Variants in ANKRD62 observed in about 807,000 individuals in gnomAD.
ANKRD62 encodes the protein ankyrin repeat domain-containing protein 62.
In ANKRD62, 61 loss-of-function variants were observed where a neutral mutation model predicts 98.8. That is an observed-to-expected ratio of 0.62 (90% CI 0.50 to 0.76). The LOEUF (loss-of-function observed/expected upper bound fraction) is 0.76. ANKRD62 is among the 30% of genes least tolerant of loss of function. The pLI, the probability that ANKRD62 is intolerant of heterozygous loss-of-function variation, is 0.00. For synonymous variants in ANKRD62, 341 were observed against 367.9 expected (o/e 0.93, Z 0.84); for missense variants, 933 against 1,082.9 (o/e 0.86, Z 1.94).
At chr18:12,155,176 G>A in the ANKRD62 span, among the ~76,000 whole-genome samples, 1 of 138,460 alleles carries the variant, frequency 7.2e-6, no homozygotes, top group Non-Finnish European at 1.5e-5. Flanking sequence ...CTCAGTCCTG[G>A]ACTAAGATGT....
rs573198863 is a variant in ANKRD62 at position 12,097,961 on chromosome 18, G to A, written c.752+184G>A. Reference sequence around the variant, plus strand: ...AGACAAGTTAGAAGTAGCAATGAGTGTAGGATTCTTTAACTCAAGTCTCTT... The same window carrying A: ...AGACAAGTTAGAAGTAGCAATGAGTATAGGATTCTTTAACTCAAGTCTCTT... On this transcript the variant is annotated intron_variant, in intron 5 of 13. Coordinates refer to ENST00000587848, the MANE Select transcript of ANKRD62 (RefSeq NM_001277333.2). Among the ~76,000 whole-genome samples, 5 of 152,316 alleles carry A rather than the reference G, an allele frequency of 3.3e-5. No individual in the cohort carries two copies. In the South Asian group the frequency reaches 1.0e-3, roughly 32 times the overall value.
the ANKRD62 span, among the ~76,000 whole-genome samples, chr18:12,167,199 G>A: frequency 4.7e-5 from 7 of 150,416 alleles, no homozygotes; most frequent in Middle Eastern, 3.3e-3. Flanking sequence ...GGTTTGTTAC[G>A]TATGTATACA....
At chr18:12,178,575 T>C in the ANKRD62 span, among the ~76,000 whole-genome samples, 1 of 149,196 alleles carries the variant, frequency 6.7e-6, no homozygotes, top group Non-Finnish European at 1.5e-5. Flanking sequence ...AGGAGACATA[T>C]GCATATATGT....
At chr18:12,109,564 A>G (rs571650192) in intron 8 of ANKRD62, among the ~76,000 whole-genome samples, 6 of 152,260 alleles carry the variant, frequency 3.9e-5, no homozygotes, top group Non-Finnish European at 7.3e-5. Context: ...TGTTACCAAC[A>G]TAATCGTTAG....
At chr18:12,161,506 C>T in the ANKRD62 span, among the ~76,000 whole-genome samples, 9 of 152,198 alleles carry the variant, frequency 5.9e-5, no homozygotes, top group Non-Finnish European at 8.8e-5. Flanking sequence ...TATCCATCTT[C>T]TCAAGCATTC....
chr18:12,173,510 T>C, the ANKRD62 span, among the ~76,000 whole-genome samples: 1 of 152,238 alleles, frequency 6.6e-6, no homozygotes, highest in Non-Finnish European at 1.5e-5. Flanking sequence ...TTAGTATTAA[T>C]ATGTGTGAAT....
intron 6 of ANKRD62, among the ~76,000 whole-genome samples, chr18:12,101,803 T>G (rs553350614): frequency 1.1e-4 from 16 of 152,218 alleles, no homozygotes; most frequent in Non-Finnish European, 1.9e-4. Flanking sequence ...TCACAATTTC[T>G]TAGTCGTAAT....
chr18:12,170,172 C>A, the ANKRD62 span, among the ~76,000 whole-genome samples: 2 of 152,152 alleles, frequency 1.3e-5, no homozygotes, highest in Non-Finnish European at 2.9e-5. Context: ...CTTCTGCTAG[C>A]TTTTGAATGT....
chr18:12,112,053 T>C (rs868856684), intron 8 of ANKRD62, among the ~76,000 whole-genome samples: 2 of 134,466 alleles, frequency 1.5e-5, no homozygotes, highest in South Asian at 4.5e-4. Context: ...GAGGTTGCAG[T>C]GAGCAGAGAT....
chr18:12,169,310 A>C, the ANKRD62 span, among the ~76,000 whole-genome samples: 2 of 152,204 alleles, frequency 1.3e-5, no homozygotes, highest in Non-Finnish European at 2.9e-5. Flanking sequence ...TGTGCCATCA[A>C]TACCTAGTTT....
At chr18:12,095,116 G>A (rs1252040002) in intron 1 of ANKRD62, 55 bp from the exon 2 acceptor site, 4 of 1,217,278 alleles carry the variant, frequency 3.3e-6, no homozygotes, top group African/African-American at 1.5e-5. Flanking sequence ...ATGCGTCGTT[G>A]TATGTTTTGG....
At chr18:12,163,017 T>C in the ANKRD62 span, among the ~76,000 whole-genome samples, 88 of 152,248 alleles carry the variant, frequency 5.8e-4, no homozygotes, top group Admixed American at 3.3e-3. Context: ...TGGCTCCATG[T>C]AAATTTTAGA....
rs923207191 is a variant in ANKRD62 at position 12,115,290 on chromosome 18, G to A, written c.1099-103G>A. The A allele has an allele frequency of 2.1e-5, 28 of 1,314,194 alleles. No individual in the cohort carries two copies. The African/African-American group carries it at 4.2e-4, about 20-fold the overall frequency. The allele number at this position is 1,314,194 out of a possible 1,614,324, so 81.4% of individuals were successfully genotyped here. On this transcript the variant is annotated intron_variant, in intron 9 of 13. Transcript: ENST00000587848. ...GTCAGTTATTTTAAGAAGTACCTGTGTTTTTGCTCATGTAAAAAGACGGAT... is the reference window on the plus strand; with the variant it reads ...GTCAGTTATTTTAAGAAGTACCTGTATTTTTGCTCATGTAAAAAGACGGAT...
chr18:12,175,485 C>T, the ANKRD62 span, among the ~76,000 whole-genome samples: 52 of 152,094 alleles, frequency 3.4e-4, no homozygotes, highest in Non-Finnish European at 6.5e-4. Context: ...CATGCTCCAG[C>T]CAAGCGATGT....
chr18:12,125,557 A>G lies in ANKRD62; in HGVS notation c.1736A>G (p.Lys579Arg). The change falls in exon 13 of 14, where the codon AAA becomes AGA. Residue 579 changes from lysine (K) to arginine (R), a missense_variant. Physicochemically the swap from Lys to Arg is conservative, Grantham distance 26. Coordinates refer to ENST00000587848, the MANE Select transcript of ANKRD62 (RefSeq NM_001277333.2). ...CTCAGGCTGGAAATAGACACAATAA[A>G]ACATCAGAACCAGGAAACTGAAAAT... The part of the protein sequence containing the change: ...ARLRLEIDTI[K>R]HQNQETENKY... 1 of 1,527,562 alleles carries G rather than the reference A, an allele frequency of 6.5e-7. No homozygotes were observed. The highest frequency in any genetic ancestry group is 8.7e-7 in the Non-Finnish European group (1 of 1,144,160). The allele number at this position is 1,527,562 out of a possible 1,614,324, so 94.6% of individuals were successfully genotyped here.
At chr18:12,102,064 A>G (rs938020348) in intron 6 of ANKRD62, 16 of 1,395,940 alleles carry the variant, frequency 1.1e-5, no homozygotes, top group Non-Finnish European at 1.5e-5. Flanking sequence ...AAGCCCAGCA[A>G]AGGTTAAAGC....
Position 12,125,474 on chromosome 18 carries a change from T to C in ANKRD62, c.1653T>C (p.His551=), listed in dbSNP as rs1257779962. 6.8e-7 allele frequency: 1 copy of C among 1,463,154 alleles called. No homozygotes were observed. Among genetic ancestry groups the C allele is most frequent in the Admixed American group, 2.8e-5 (1 of 35,630 alleles). 90.6% of individuals were successfully genotyped at this position (1,463,154 alleles called of 1,614,324 possible). ...GTTTTATTTAGAATTTTCATACTCA[T>C]GAAAGAGAAAGAGACCTGTGGCAGG... The part of the protein sequence containing the change: ...RSNSNQNFHT[H]ERERDLWQEN... Residue 551 remains histidine (H), a synonymous_variant, in exon 13 of 14, where the codon CAT becomes CAC. Transcript: ENST00000587848.
At chr18:12,146,452 T>A in the ANKRD62 span, among the ~76,000 whole-genome samples, 1 of 150,336 alleles carries the variant, frequency 6.7e-6, no homozygotes, top group Non-Finnish European at 1.5e-5. Context: ...TGGGGGGGCG[T>A]GTGTGTGTTT....
downstream of ANKRD62, among the ~76,000 whole-genome samples, chr18:12,133,436 T>C (rs1910035764): frequency 6.6e-6 from 1 of 152,226 alleles, no homozygotes; most frequent in Non-Finnish European, 1.5e-5. Context: ...AAATAGTAAC[T>C]GTGTTTAATC....
Sources: gnomAD v4.1 joint callset for allele counts (sites outside exome capture counted in the v4.1 genomes callset) on GRCh38, gnomAD v4.1.1 for gene constraint, MANE v1.5 for transcripts, NCBI Gene and HGNC (gene_info 2026-07-23, HGNC 2026-07-21) for gene names.